The following SLC44A1 variants were observed in gnomAD, a reference collection of about 807,000 sequenced individuals.
SLC44A1 encodes the protein choline transporter-like protein 1.
A neutral mutation model predicts 79.3 loss-of-function variants in SLC44A1; 26 were observed. The ratio of observed to expected loss-of-function variants is 0.33; its 90% CI spans 0.24 to 0.46. The LOEUF (loss-of-function observed/expected upper bound fraction) is 0.46. Ranked by LOEUF, SLC44A1 falls within the 20% of genes least tolerant of loss-of-function variation. The pLI is 1.00. For synonymous variants in SLC44A1, 263 were observed against 286.2 expected (o/e 0.92, Z 0.82); for missense variants, 688 against 798.1 (o/e 0.86, Z 1.66).
chr9:105,416,317 A>G (rs1037963932), intron 15 of SLC44A1, among the ~76,000 whole-genome samples: 6 of 151,860 alleles, frequency 4.0e-5, no homozygotes, highest in Non-Finnish European at 7.4e-5. Context: ...AAGTACCATG[A>G]TATCTTAGAG....
chr9:105,283,501 G>A (rs917443017), intron 1 of SLC44A1, among the ~76,000 whole-genome samples: 13 of 152,134 alleles, frequency 8.5e-5, no homozygotes, highest in Admixed American at 3.9e-4. Context: ...GATTTAAAGT[G>A]TACTCTTCTC....
At chr9:105,358,945 T>C (rs1366146880) in intron 7 of SLC44A1, among the ~76,000 whole-genome samples, 2 of 152,260 alleles carry the variant, frequency 1.3e-5, no homozygotes, top group African/African-American at 2.4e-5. Context: ...TAAGATGATA[T>C]ATGTTGAGTT....
chr9:105,309,788 G>A lies in SLC44A1; in HGVS notation c.191G>A (p.Ser64Asn). ...GCAAGACTAGTGTCAGGATACGACA[G>A]CTATGGAAATATCTGTGGGCAGAAA... Reference protein sequence around the residue: ...AAARLVSGYDSYGNICGQKNT... With the variant: ...AAARLVSGYDNYGNICGQKNT... The change falls in exon 3 of 16, where the codon AGC (serine) becomes AAC (asparagine). Residue 64 changes from serine (S) to asparagine (N), a missense_variant. By Grantham distance (46) the Ser-to-Asn change is conservative. Transcript: ENST00000374720. The A allele has an allele frequency of 1.2e-6, 2 of 1,613,850 alleles. No individual in the cohort carries two copies. The highest frequency in any genetic ancestry group is 1.7e-6 in the Non-Finnish European group (2 of 1,179,828).
intron 3 of SLC44A1, among the ~76,000 whole-genome samples, chr9:105,310,524 G>A (rs1407875011): frequency 6.6e-6 from 1 of 152,036 alleles, no homozygotes; most frequent in Non-Finnish European, 1.5e-5. Flanking sequence ...ATATATTTAT[G>A]CCCCATGAAA....
At chr9:105,437,932 G>A (rs1829484803) in intron 15 of SLC44A1, among the ~76,000 whole-genome samples, 2 of 152,114 alleles carry the variant, frequency 1.3e-5, no homozygotes. Flanking sequence ...CACTAATCTA[G>A]CCTTCCTTGA....
chr9:105,397,454 C>A, downstream of SLC44A1: 1 of 580,852 alleles, frequency 1.7e-6, no homozygotes, highest in Non-Finnish European at 2.2e-6. Flanking sequence ...GCAAGGGTGC[C>A]CCAGAATTTC....
intron 5 of SLC44A1, among the ~76,000 whole-genome samples, chr9:105,350,140 G>A (rs989500155): frequency 6.6e-6 from 1 of 152,086 alleles, no homozygotes; most frequent in Admixed American, 6.6e-5. Context: ...AAAACTGACG[G>A]CATGCTGTGT....
Position 105,377,681 on chromosome 9 carries a change from G to A in SLC44A1, c.1632+2946G>A, listed in dbSNP as rs965961096. On this transcript the variant is annotated intron_variant, in intron 13 of 15. Transcript: ENST00000374720. ...GGGAGGCTGAGGCGGAGAATCGCTTGAACCCAGGAGGCAGAGGTTGCACTG... is the reference window on the plus strand; with the variant it reads ...GGGAGGCTGAGGCGGAGAATCGCTTAAACCCAGGAGGCAGAGGTTGCACTG... Among the ~76,000 whole-genome samples the A allele has an allele frequency of 2.0e-5, 3 of 151,408 alleles. No individual in the cohort carries two copies. In the East Asian group the frequency reaches 5.9e-4, roughly 30 times the overall value.
At chr9:105,381,237 G>A (rs992863997) in intron 13 of SLC44A1, among the ~76,000 whole-genome samples, 2 of 152,094 alleles carry the variant, frequency 1.3e-5, no homozygotes, top group Non-Finnish European at 2.9e-5. Flanking sequence ...AACCAGGAGA[G>A]TGGAAGAAAA....
Position 105,365,421 on chromosome 9 carries a change from C to T in SLC44A1, c.1254-62C>T, listed in dbSNP as rs1672592818. ...TCACTGCGTTGGACTCTAAACCATA[C>T]CTGTGTTTCCATCCTGATCTAGGCT... On this transcript the variant is annotated intron_variant, in intron 10 of 15. Coordinates refer to ENST00000374720, the MANE Select transcript of SLC44A1 (RefSeq NM_080546.5). 4.5e-6 allele frequency: 6 copies of T among 1,334,228 alleles called. No homozygotes were observed. In the African/African-American group the frequency reaches 5.8e-5, roughly 13 times the overall value. 82.6% of individuals were successfully genotyped at this position (1,334,228 alleles called of 1,614,324 possible).
chr9:105,390,449 A>T lies in SLC44A1; in HGVS notation c.*1393A>T. The T allele has an allele frequency of 1.0e-6, 1 of 974,734 alleles. No individual in the cohort carries two copies. The highest frequency in any genetic ancestry group is 1.2e-6 in the Non-Finnish European group (1 of 821,420). The allele number at this position is 974,734 out of a possible 1,614,324, so 60.4% of individuals were successfully genotyped here. A position where few individuals can be genotyped will look rare whatever the true frequency, so the allele number is the denominator to read the frequency against. ...TCTGTACAAAAAAAAAAAAAAAAAAAAAGCCTCAGCATTTTATCATTCCAT... is the reference window on the plus strand; with the variant it reads ...TCTGTACAAAAAAAAAAAAAAAAAATAAGCCTCAGCATTTTATCATTCCAT... On this transcript the variant is annotated 3_prime_UTR_variant, in exon 16 of 16. Transcript: ENST00000374720.
intron 2 of SLC44A1, among the ~76,000 whole-genome samples, chr9:105,304,736 A>C (rs1259736289): frequency 6.6e-6 from 1 of 152,076 alleles, no homozygotes; most frequent in African/African-American, 2.4e-5. Context: ...AGGAGTGTTC[A>C]TGGCAAAGTG....
At chr9:105,301,934 G>GT (rs2131293538) in intron 2 of SLC44A1, among the ~76,000 whole-genome samples, 1 of 152,164 alleles carries the variant, frequency 6.6e-6, no homozygotes, top group African/African-American at 2.4e-5. Flanking sequence ...TTTATTTGCA[G>GT]TTTTTTGCTG....
At chr9:105,275,353 C>T (rs978182861) in intron 1 of SLC44A1, among the ~76,000 whole-genome samples, 1 of 152,148 alleles carries the variant, frequency 6.6e-6, no homozygotes, top group Admixed American at 6.5e-5. Context: ...GAAGTTTTGG[C>T]ATAGCTCTAA....
intron 2 of SLC44A1, among the ~76,000 whole-genome samples, chr9:105,306,297 C>T (rs1490886889): frequency 6.6e-6 from 1 of 152,192 alleles, no homozygotes; most frequent in Non-Finnish European, 1.5e-5. Context: ...CCCTCTCTCT[C>T]TGCTGAACCA....
Position 105,395,395 on chromosome 9 carries a change from T to C in SLC44A1, c.*6339T>C, listed in dbSNP as rs558187147. The C allele has an allele frequency of 5.1e-6, 2 of 394,444 alleles. No homozygotes were observed. Among genetic ancestry groups the C allele is most frequent in the South Asian group, 2.1e-4 (2 of 9,498 alleles). 24.4% of individuals were successfully genotyped at this position (394,444 alleles called of 1,614,324 possible). On this transcript the variant is annotated 3_prime_UTR_variant, in exon 16 of 16. Transcript: ENST00000374720. ...CACCACACCCAGCTAATTTTTGTAT[T>C]TTTAGTAGAGACGGGGTTTCACCAC...
chr9:105,354,039 C>CTT (rs556502972), intron 5 of SLC44A1, among the ~76,000 whole-genome samples: 1,169 of 98,492 alleles, frequency 0.012, 176 homozygotes, highest in Non-Finnish European at 0.016. Context: ...ACAGTTAATC[C>CTT]TTTTTTTTTT....
At chr9:105,298,335 T>TTTGTTG (rs376740363) in intron 1 of SLC44A1, among the ~76,000 whole-genome samples, 1 of 151,952 alleles carries the variant, frequency 6.6e-6, no homozygotes, top group Non-Finnish European at 1.5e-5. Context: ...GAATCCCGTT[T>TTTGTTG]TTGTTGTTGT....
intron 15 of SLC44A1, among the ~76,000 whole-genome samples, chr9:105,434,035 T>TA (rs1270110886): frequency 1.3e-5 from 2 of 152,078 alleles, no homozygotes; most frequent in East Asian, 1.9e-4. Context: ...AGGATTGTAA[T>TA]AAAAAAACTA....
Sources: allele counts gnomAD v4.1 joint callset (sites outside exome capture counted in the v4.1 genomes callset), GRCh38; gene constraint gnomAD v4.1.1; transcripts MANE v1.5; gene names NCBI Gene and HGNC (gene_info 2026-07-23, HGNC 2026-07-21).